The following LRRC7 variants were observed in gnomAD, a reference collection of about 807,000 sequenced individuals.
LRRC7 encodes the protein leucine-rich repeat-containing protein 7.
A neutral mutation model predicts 175.7 loss-of-function variants in LRRC7; 23 were observed. That is an observed-to-expected ratio of 0.13 (90% confidence interval 0.09 to 0.19). LRRC7 has a LOEUF of 0.19. Ranked by LOEUF, LRRC7 falls within the 10% of genes least tolerant of loss-of-function variation. LRRC7 has a pLI of 1.00. For synonymous variants in LRRC7, 685 were observed against 680.9 expected (o/e 1.01, Z -0.09); for missense variants, 1,354 against 1,904.7 (o/e 0.71, Z 5.38).
chr1:69,935,543 A>G (rs1647916835), intron 8 of LRRC7, among the ~76,000 whole-genome samples: 1 of 152,166 alleles, frequency 6.6e-6, no homozygotes. Context: ...CAAAATAAAC[A>G]CTAAATTAAG....
intron 8 of LRRC7, among the ~76,000 whole-genome samples, chr1:69,947,633 A>G (rs1390601167): frequency 1.4e-4 from 22 of 151,868 alleles, no homozygotes; most frequent in Non-Finnish European, 2.4e-4. Flanking sequence ...AGTTATATTT[A>G]TATACTGTTG....
chr1:69,663,569 G>T (rs1433083108), intron 1 of LRRC7, among the ~76,000 whole-genome samples: 1 of 151,716 alleles, frequency 6.6e-6, no homozygotes, highest in Non-Finnish European at 1.5e-5. Context: ...TTTAATACTA[G>T]GTCTTATTTA....
intron 8 of LRRC7, among the ~76,000 whole-genome samples, chr1:69,978,813 T>C (rs1570889685): frequency 6.6e-6 from 1 of 152,166 alleles, no homozygotes; most frequent in East Asian, 1.9e-4. Context: ...AATTCCATTC[T>C]TTTCTACAAG....
intron 8 of LRRC7, among the ~76,000 whole-genome samples, chr1:69,961,989 G>C (rs1288790348): frequency 6.6e-6 from 1 of 152,056 alleles, no homozygotes; most frequent in East Asian, 1.9e-4. Flanking sequence ...ATTAACAAAT[G>C]GGATCTAATT....
chr1:69,997,332 C>T (rs1406874403), intron 11 of LRRC7, among the ~76,000 whole-genome samples: 1 of 151,926 alleles, frequency 6.6e-6, no homozygotes, highest in Admixed American at 6.6e-5. Flanking sequence ...GATATACAAT[C>T]ATGTCATCTG....
At position 69,780,654 on chromosome 1, in the gene LRRC7, T is replaced by A. The variant is rs202239295; in HGVS notation, c.304-11389T>A. Reference sequence around the variant, plus strand: ...GTTGGCTCTTTTCTAACAAAAAAAATTATTAACACTTGTTTTAAACAAAGG... The same window carrying A: ...GTTGGCTCTTTTCTAACAAAAAAAAATATTAACACTTGTTTTAAACAAAGG... On this transcript the variant is annotated intron_variant, in intron 3 of 26. Transcript: ENST00000651989. Among the ~76,000 whole-genome samples, 1,054 of 149,982 alleles carry A rather than the reference T, an allele frequency of 7.0e-3. 26 individuals are homozygous for A. In the East Asian group the frequency reaches 0.079, roughly 11 times the overall value.
At chr1:69,689,015 G>C (rs1661524974) in intron 2 of LRRC7, among the ~76,000 whole-genome samples, 1 of 152,142 alleles carries the variant, frequency 6.6e-6, no homozygotes, top group African/African-American at 2.4e-5. Context: ...TCAGGAATCA[G>C]GGCACTAATG....
At chr1:69,695,634 C>G (rs938343622) in intron 2 of LRRC7, among the ~76,000 whole-genome samples, 3 of 152,196 alleles carry the variant, frequency 2.0e-5, no homozygotes, top group Non-Finnish European at 4.4e-5. Context: ...CCATCATAGG[C>G]CCAGAGGTCT....
At chr1:70,120,805 G>A (rs941073452) in intron 26 of LRRC7, among the ~76,000 whole-genome samples, 4 of 152,018 alleles carry the variant, frequency 2.6e-5, no homozygotes, top group African/African-American at 9.7e-5. Context: ...AAACCGCAAA[G>A]AAAGCAATTA....
rs1238777698 is a variant in LRRC7, at chr1:70,126,123, T to C, written c.*4236T>C. On this transcript the variant is annotated 3_prime_UTR_variant, in exon 27 of 27. Coordinates refer to ENST00000651989, the MANE Select transcript of LRRC7 (RefSeq NM_001370785.2). ...CCCTCATTAGCACACCGATCAAATATGTCTGATGAATACATTCTCATCAAG... is the reference window on the plus strand; with the variant it reads ...CCCTCATTAGCACACCGATCAAATACGTCTGATGAATACATTCTCATCAAG... 6.6e-6 allele frequency among the ~76,000 whole-genome samples: 1 copy of C among 152,062 alleles called. No individual in the cohort carries two copies. The highest frequency in any genetic ancestry group is 1.5e-5 in the Non-Finnish European group (1 of 68,018).
chr1:69,791,230 A>G (rs1404252609), intron 3 of LRRC7, among the ~76,000 whole-genome samples: 1 of 152,018 alleles, frequency 6.6e-6, no homozygotes, highest in Non-Finnish European at 1.5e-5. Flanking sequence ...CATCTAATTT[A>G]TTGTTTCTCA....
At position 69,665,277 on chromosome 1, in the gene LRRC7, C is replaced by T. The variant is rs577502861; in HGVS notation, c.3-13104C>T. ...TCCTTCTTTTGCTCAGGATGGCTTT[C>T]GCTATTCTGAGTCTCTTGTGGTTTC... On this transcript the variant is annotated intron_variant, in intron 1 of 26. Coordinates refer to ENST00000651989, the MANE Select transcript of LRRC7 (RefSeq NM_001370785.2). Among the ~76,000 whole-genome samples the T allele has an allele frequency of 2.6e-4, 39 of 152,060 alleles. 1 individual carries two copies. The highest frequency in any genetic ancestry group is 1.0e-3 in the South Asian group (5 of 4,808).
At chr1:69,705,515 A>G (rs2100712439) in intron 2 of LRRC7, among the ~76,000 whole-genome samples, 1 of 152,266 alleles carries the variant, frequency 6.6e-6, no homozygotes, top group South Asian at 2.1e-4. Flanking sequence ...GGGCATACAC[A>G]CAGATGAGGG....
chr1:70,014,100 T>C (rs1018583641), intron 13 of LRRC7: 2 of 152,012 alleles, frequency 1.3e-5, no homozygotes, highest in African/African-American at 4.8e-5. Context: ...CAAGAGCAAG[T>C]CATGTCAAAC....
At chr1:69,873,508 GACT>G (rs1557836827) in intron 7 of LRRC7, 1 of 533,050 alleles carries the variant, frequency 1.9e-6, no homozygotes, top group Non-Finnish European at 3.8e-6. Flanking sequence ...AATCGCCTGA[GACT>G]ATACAGTGAC....
chr1:69,673,142 C>T (rs190753474), intron 1 of LRRC7, among the ~76,000 whole-genome samples: 2 of 152,224 alleles, frequency 1.3e-5, no homozygotes, highest in Admixed American at 1.3e-4. Context: ...TGGCTGGCTA[C>T]TTTAGAAGCA....
chr1:70,013,847 G>A (rs1423373900), intron 13 of LRRC7: 1 of 152,004 alleles, frequency 6.6e-6, no homozygotes, highest in African/African-American at 2.4e-5. Context: ...GGAACTGAGA[G>A]AACTTGCAAT....
intron 7 of LRRC7, among the ~76,000 whole-genome samples, chr1:69,842,726 T>C (rs1255270142): frequency 2.0e-5 from 3 of 152,146 alleles, no homozygotes; most frequent in Non-Finnish European, 1.5e-5. Flanking sequence ...ACAGTATCTT[T>C]TGGGTCAGTG....
At chr1:69,741,416 A>G (rs1004031692) in intron 2 of LRRC7, among the ~76,000 whole-genome samples, 2 of 151,838 alleles carry the variant, frequency 1.3e-5, no homozygotes, top group Non-Finnish European at 2.9e-5. Context: ...GTAATCTAAG[A>G]CGTGAAATAG....
Sources: allele counts gnomAD v4.1 joint callset (sites outside exome capture counted in the v4.1 genomes callset), GRCh38; gene constraint gnomAD v4.1.1; transcripts MANE v1.5; gene names NCBI Gene and HGNC (gene_info 2026-07-23, HGNC 2026-07-21).